RASGRP3: variants seen among roughly 807,000 people sequenced by gnomAD.
RASGRP3 encodes ras guanyl-releasing protein 3.
Under a neutral mutation model 82.7 loss-of-function variants are expected in RASGRP3, and 54 were observed. The observed-to-expected ratio is 0.65, with a 90% CI of 0.52 to 0.82. RASGRP3 has a LOEUF of 0.82. RASGRP3 is among the 40% of genes least tolerant of loss of function. The pLI is 0.00. For missense variants in RASGRP3, 861 were observed against 828.9 expected (o/e 1.04, Z -0.48); for synonymous variants, 309 against 300.5 (o/e 1.03, Z -0.29).
At chr2:33,476,491 CAG>C (rs1485674181), upstream of RASGRP3, 1 of 152,198 alleles carries the variant, frequency 6.6e-6, no homozygotes, top group Non-Finnish European at 1.5e-5. Flanking sequence ...TGAGCCAACT[CAG>C]GGGTTATGAG....
At chr2:33,533,696 C>T (rs1177910108) in intron 10 of RASGRP3, 3 of 152,786 alleles carry the variant, frequency 2.0e-5, no homozygotes, top group Admixed American at 6.5e-5. Context: ...CCTCTGCCCT[C>T]GTGTATTTAC....
chr2:33,544,930 C>T (rs1035216516), intron 13 of RASGRP3, among the ~76,000 whole-genome samples: 4 of 151,962 alleles, frequency 2.6e-5, no homozygotes, highest in Non-Finnish European at 4.4e-5. Flanking sequence ...TTAAATTCAT[C>T]TTCATTATAT....
intron 2 of RASGRP3, among the ~76,000 whole-genome samples, chr2:33,469,507 C>T (rs887032615): frequency 6.7e-6 from 1 of 150,202 alleles, no homozygotes; most frequent in Admixed American, 6.6e-5. Flanking sequence ...GTTACCCAGG[C>T]TGAGTGCAGT....
At chr2:33,494,989 A>G (rs1669181494) in intron 1 of RASGRP3, among the ~76,000 whole-genome samples, 1 of 152,250 alleles carries the variant, frequency 6.6e-6, no homozygotes, top group Admixed American at 6.5e-5. Context: ...TTGTCTTGCA[A>G]TTTGAAATTA....
In RASGRP3 at chr2:33,524,506, C is replaced by T. The variant is rs768006111; in HGVS notation, c.765C>T (p.Arg255=). 26 of 1,604,564 alleles carry T rather than the reference C, an allele frequency of 1.6e-5. No individual in the cohort carries two copies. The highest frequency in any genetic ancestry group is 2.1e-5 in the Non-Finnish European group (25 of 1,175,300). ...VGGLSHSSIS[R]LKETHSHLSS... ...GCCTCAGTCATAGTTCCATTTCACG[C>T]CTCAAAGAGACCCATTCTCATCTTT... The change falls in exon 9 of 18, where the codon CGC becomes CGT. Residue 255 remains arginine (R), a synonymous_variant. Coordinates refer to ENST00000403687, the MANE Select transcript of RASGRP3 (RefSeq NM_001139488.2).
chr2:33,445,006 A>G (rs954923517), intron 1 of RASGRP3, among the ~76,000 whole-genome samples: 1 of 152,238 alleles, frequency 6.6e-6, no homozygotes, highest in Non-Finnish European at 1.5e-5. Context: ...GGAAACACAC[A>G]CAAGTGCACA....
intron 1 of RASGRP3, among the ~76,000 whole-genome samples, chr2:33,479,584 G>C (rs950554636): frequency 2.0e-5 from 3 of 152,104 alleles, no homozygotes; most frequent in Non-Finnish European, 1.5e-5. Context: ...TAAGGGGTGG[G>C]TCACGGGGCA....
At chr2:33,456,089 C>G (rs1311794790) in intron 2 of RASGRP3, among the ~76,000 whole-genome samples, 1 of 152,160 alleles carries the variant, frequency 6.6e-6, no homozygotes, top group African/African-American at 2.4e-5. Flanking sequence ...AAGTTACTTT[C>G]CTTTGTTATT....
At chr2:33,438,280 G>C (rs762872933) in intron 1 of RASGRP3, among the ~76,000 whole-genome samples, 45 of 152,284 alleles carry the variant, frequency 3.0e-4, no homozygotes, top group Middle Eastern at 3.4e-3. Flanking sequence ...TGTATTCATG[G>C]GGCCAGGCGT....
At chr2:33,517,156 A>C (rs906913985) in intron 4 of RASGRP3, among the ~76,000 whole-genome samples, 1 of 152,196 alleles carries the variant, frequency 6.6e-6, no homozygotes, top group Non-Finnish European at 1.5e-5. Context: ...ACTGATACTA[A>C]TTTTAGATTT....
chr2:33,523,928 C>G lies in RASGRP3; in HGVS notation c.566C>G (p.Pro189Arg). 1 of 1,613,566 alleles carries G rather than the reference C, an allele frequency of 6.2e-7. No homozygotes were observed. Among genetic ancestry groups the G allele is most frequent in the Non-Finnish European group, 8.5e-7 (1 of 1,179,670 alleles). Residue 189 changes from proline (P) to arginine (R), a missense_variant, in exon 8 of 18, where the codon CCA becomes CGA. Physicochemically the swap from Pro to Arg is moderately radical, Grantham distance 103. Coordinates refer to ENST00000403687, the MANE Select transcript of RASGRP3 (RefSeq NM_001139488.2). ...ATCCATGGCTGCCTGGAGAATAATC[C>G]AACCTTGGAAAGATCGATTGCTTTA... Reference protein sequence around the residue: ...YVIHGCLENNPTLERSIALFN... With the variant: ...YVIHGCLENNRTLERSIALFN...
intron 10 of RASGRP3, among the ~76,000 whole-genome samples, chr2:33,531,456 G>A (rs1255487291): frequency 2.0e-5 from 3 of 152,174 alleles, no homozygotes; most frequent in Non-Finnish European, 4.4e-5. Context: ...GAGTAACCCC[G>A]AGGGCAGCTT....
intron 11 of RASGRP3, 127 bp downstream of exon 11, chr2:33,534,527 C>CTTTTTCT: frequency 1.4e-6 from 1 of 729,324 alleles, no homozygotes; most frequent in South Asian, 1.9e-5. Flanking sequence ...ATTATTCTTT[C>CTTTTTCT]TTTTTCTTTT....
intron 10 of RASGRP3, among the ~76,000 whole-genome samples, chr2:33,531,522 C>A (rs966205677): frequency 6.6e-6 from 1 of 152,160 alleles, no homozygotes; most frequent in Non-Finnish European, 1.5e-5. Context: ...GGAAGCCAAA[C>A]CCTGCATTTG....
intron 2 of RASGRP3, among the ~76,000 whole-genome samples, chr2:33,462,539 C>T (rs545143080): frequency 2.0e-5 from 3 of 151,976 alleles, no homozygotes; most frequent in Admixed American, 6.6e-5. Flanking sequence ...CACCATAGCC[C>T]GGCTAGATTT....
At chr2:33,449,079 T>A (rs1665650498) in intron 2 of RASGRP3, among the ~76,000 whole-genome samples, 1 of 152,228 alleles carries the variant, frequency 6.6e-6, no homozygotes, top group Non-Finnish European at 1.5e-5. Flanking sequence ...ACATGATTAC[T>A]CTCTGTTTGG....
chr2:33,547,598 A>G (rs1674925313), intron 13 of RASGRP3, among the ~76,000 whole-genome samples: 1 of 152,052 alleles, frequency 6.6e-6, no homozygotes. Context: ...AGAGAGGTCT[A>G]GCAAGTTGTC....
In RASGRP3 at chr2:33,516,555, G is replaced by C. The variant is rs775737039; in HGVS notation, c.84G>C (p.Glu28Asp). Residue 28 changes from glutamate (E) to aspartate (D), a missense_variant, in exon 4 of 18, where the codon GAG becomes GAC. By Grantham distance (45) the Glu-to-Asp change is conservative. Coordinates refer to ENST00000403687, the MANE Select transcript of RASGRP3 (RefSeq NM_001139488.2). ...TTTTTCTAACAGATGACAATGGAGA[G>C]CTGGATAATAGTTATTTGCCAAGAA... ...TCIEMFDDNGELDNSYLPRIV... is the reference protein window; with the variant it reads ...TCIEMFDDNGDLDNSYLPRIV... The C allele has an allele frequency of 6.4e-7, 1 of 1,570,180 alleles. No individual in the cohort carries two copies. Among genetic ancestry groups the C allele is most frequent in the Non-Finnish European group, 8.7e-7 (1 of 1,146,720 alleles).
intron 2 of RASGRP3, among the ~76,000 whole-genome samples, chr2:33,449,675 C>G (rs1163365808): frequency 6.6e-6 from 1 of 151,908 alleles, no homozygotes; most frequent in Non-Finnish European, 1.5e-5. Context: ...AGGAGAATTG[C>G]TTGAACCTGA....
Sources: allele counts gnomAD v4.1 joint callset (sites outside exome capture counted in the v4.1 genomes callset), GRCh38; gene constraint gnomAD v4.1.1; transcripts MANE v1.5; gene names NCBI Gene and HGNC (gene_info 2026-07-23, HGNC 2026-07-21).